The following CSMD1 variants were observed in gnomAD, a reference collection of about 807,000 sequenced individuals.
CSMD1 encodes CUB and Sushi multiple domains 1.
Under a neutral mutation model 417.5 loss-of-function variants are expected in CSMD1, and 213 were observed. The ratio of observed to expected loss-of-function variants is 0.51; its 90% confidence interval spans 0.46 to 0.57. CSMD1 has a LOEUF of 0.57. Among genes scored for constraint, CSMD1 ranks in the 20% least tolerant of loss-of-function variants. The pLI, the probability that CSMD1 is intolerant of heterozygous loss-of-function variation, is 0.00. For synonymous variants in CSMD1, 2,862 were observed against 1,736.8 expected (o/e 1.65, Z -16.11); for missense variants, 6,923 against 4,529.7 (o/e 1.53, Z -15.17).
At chr8:3,917,809 A>C (rs190346572) in intron 5 of CSMD1, among the ~76,000 whole-genome samples, 18 of 152,102 alleles carry the variant, frequency 1.2e-4, no homozygotes, top group Admixed American at 9.8e-4. Context: ...GCCATTAGCA[A>C]TATTAGTTGT....
At chr8:4,279,645 T>C (rs1192579721) in intron 3 of CSMD1, among the ~76,000 whole-genome samples, 1 of 152,224 alleles carries the variant, frequency 6.6e-6, no homozygotes, top group African/African-American at 2.4e-5. Context: ...TGGTAACTCA[T>C]TCGAGTATCT....
At chr8:3,181,937 A>G (rs148685267) in intron 36 of CSMD1, among the ~76,000 whole-genome samples, 2 of 152,334 alleles carry the variant, frequency 1.3e-5, no homozygotes, top group East Asian at 3.9e-4. Flanking sequence ...TTTTGGTGGA[A>G]TGAATCATAA....
intron 2 of CSMD1, among the ~76,000 whole-genome samples, chr8:4,512,333 T>C (rs1802867295): frequency 6.6e-6 from 1 of 152,144 alleles, no homozygotes; most frequent in Non-Finnish European, 1.5e-5. Context: ...GCAGCTAACA[T>C]TTTACTTAAT....
chr8:4,374,305 C>A (rs1802580539), intron 3 of CSMD1, among the ~76,000 whole-genome samples: 3 of 152,066 alleles, frequency 2.0e-5, no homozygotes, highest in East Asian at 1.9e-4. Context: ...TATTAGAGTA[C>A]AATATAATTA....
chr8:3,410,417 C>G (rs938723317), intron 12 of CSMD1, among the ~76,000 whole-genome samples: 6 of 152,134 alleles, frequency 3.9e-5, no homozygotes, highest in African/African-American at 1.2e-4. Context: ...CGTGTTGTGG[C>G]AGGGATCTGG....
intron 1 of CSMD1, among the ~76,000 whole-genome samples, chr8:4,867,511 G>A (rs1802485787): frequency 6.6e-6 from 1 of 152,102 alleles, no homozygotes; most frequent in African/African-American, 2.4e-5. Flanking sequence ...AGCCAACCTC[G>A]GATATAATTT....
intron 3 of CSMD1, among the ~76,000 whole-genome samples, chr8:4,134,712 A>G (rs1803312556): frequency 1.3e-5 from 2 of 152,076 alleles, no homozygotes. Context: ...CACACCACTT[A>G]CCTCTTACTA....
chr8:3,176,580 T>C (rs1820949494), intron 37 of CSMD1, among the ~76,000 whole-genome samples: 1 of 152,108 alleles, frequency 6.6e-6, no homozygotes, highest in South Asian at 2.1e-4. Flanking sequence ...CCTTACATTG[T>C]AAAACCCCGT....
intron 7 of CSMD1, among the ~76,000 whole-genome samples, chr8:3,694,318 C>T (rs137893407): frequency 6.6e-6 from 1 of 152,154 alleles, no homozygotes; most frequent in Non-Finnish European, 1.5e-5. Context: ...AGGAGCACAG[C>T]AGCATGACTG....
chr8:4,048,098 G>C (rs924856770), intron 3 of CSMD1, among the ~76,000 whole-genome samples: 3 of 152,112 alleles, frequency 2.0e-5, no homozygotes, highest in East Asian at 1.9e-4. Flanking sequence ...AAGTATCTCA[G>C]GGTAGACCCC....
intron 3 of CSMD1, among the ~76,000 whole-genome samples, chr8:4,242,717 G>A (rs1037413058): frequency 8.6e-5 from 10 of 115,874 alleles, no homozygotes; most frequent in Non-Finnish European, 1.3e-4. Context: ...AGCCCACTCT[G>A]CCCAGTTGAG....
intron 23 of CSMD1, among the ~76,000 whole-genome samples, chr8:3,318,435 T>C (rs935789356): frequency 2.6e-5 from 4 of 152,168 alleles, no homozygotes; most frequent in African/African-American, 9.6e-5. Flanking sequence ...ACGCCGAAGA[T>C]ACAAAATTAA....
At chr8:3,925,959 A>T (rs1415770589) in intron 5 of CSMD1, among the ~76,000 whole-genome samples, 1 of 151,690 alleles carries the variant, frequency 6.6e-6, no homozygotes, top group Non-Finnish European at 1.5e-5. Flanking sequence ...TTTTCCTTAT[A>T]CCTTTAACCT....
At chr8:3,439,100 G>A (rs13268829) in intron 12 of CSMD1, among the ~76,000 whole-genome samples, 4 of 105,090 alleles carry the variant, frequency 3.8e-5, no homozygotes, top group Non-Finnish European at 5.4e-5. Context: ...TCCAGCCTGG[G>A]TGACAGAGCA....
In CSMD1 at chr8:4,021,303, G is replaced by C. The variant is rs554197875; in HGVS notation, c.610+10602C>G. 7.9e-5 allele frequency among the ~76,000 whole-genome samples: 12 copies of C among 152,276 alleles called. No individual in the cohort carries two copies. The East Asian group carries it at 1.2e-3, about 15-fold the overall frequency. ...AAATTATAATCCTTTGGAAGTATGA[G>C]GTTGACAAAATCCATTATTAAAGTT... On this transcript the variant is annotated intron_variant, in intron 4 of 69. Coordinates refer to ENST00000635120, the MANE Select transcript of CSMD1 (RefSeq NM_033225.6).
At chr8:4,961,937 T>C (rs1809518563) in intron 1 of CSMD1, among the ~76,000 whole-genome samples, 2 of 152,106 alleles carry the variant, frequency 1.3e-5, no homozygotes, top group South Asian at 4.1e-4. Context: ...AGTTATAACA[T>C]TTGTTATTGT....
intron 2 of CSMD1, among the ~76,000 whole-genome samples, chr8:4,424,470 A>G (rs1192447390): frequency 6.6e-6 from 1 of 152,028 alleles, no homozygotes; most frequent in Non-Finnish European, 1.5e-5. Context: ...GAGGAATGCA[A>G]ATTAAAACCA....
intron 2 of CSMD1, among the ~76,000 whole-genome samples, chr8:4,444,648 G>C (rs1412072882): frequency 6.6e-6 from 1 of 152,116 alleles, no homozygotes; most frequent in Non-Finnish European, 1.5e-5. Context: ...TTATCATTCA[G>C]GGCATGATTG....
intron 3 of CSMD1, among the ~76,000 whole-genome samples, chr8:4,035,099 T>A (rs1043876800): frequency 6.6e-6 from 1 of 152,182 alleles, no homozygotes; most frequent in Admixed American, 6.5e-5. Flanking sequence ...TAATATATAG[T>A]TGTGAGCTGC....
Sources: gnomAD v4.1 joint callset for allele counts (sites outside exome capture counted in the v4.1 genomes callset) on GRCh38, gnomAD v4.1.1 for gene constraint, MANE v1.5 for transcripts, NCBI Gene and HGNC (gene_info 2026-07-23, HGNC 2026-07-21) for gene names.